The following MICB variants were observed in gnomAD, a reference collection of about 807,000 sequenced individuals.
The protein encoded by MICB is MHC class I polypeptide-related sequence B.
A neutral mutation model predicts 34.3 loss-of-function variants in MICB; 27 were observed. That is an observed-to-expected ratio of 0.79 (90% confidence interval 0.58 to 1.08). The LOEUF (loss-of-function observed/expected upper bound fraction) is 1.08, where lower values mean the gene tolerates loss of function less well. MICB is among the 50% of genes least tolerant of loss of function. The pLI is 0.00. For synonymous variants in MICB, 153 were observed against 187.4 expected, an observed-to-expected ratio of 0.82 and a Z score of 1.50; for missense variants, 426 against 483.1, an observed-to-expected ratio of 0.88 and a Z score of 1.11.
intron 1 of MICB, among the ~76,000 whole-genome samples, chr6:31,500,788 C>T (rs1463543908): frequency 3.9e-5 from 6 of 152,232 alleles, no homozygotes; most frequent in African/African-American, 1.2e-4. Flanking sequence ...TAGTACTCCA[C>T]ATACACGTGT....
chr6:31,508,146 T>C (rs1443234262), intron 5 of MICB, among the ~76,000 whole-genome samples: 4 of 152,182 alleles, frequency 2.6e-5, no homozygotes, highest in Non-Finnish European at 5.9e-5. Flanking sequence ...ATGTGGTCCC[T>C]GTTTTCATCC....
Position 31,505,652 on chromosome 6 carries a change from TC to T in MICB, c.109del (p.Gln37ArgfsTer53), listed in dbSNP as rs752228903. On this transcript the variant is annotated frameshift_variant, in exon 2 of 6. Transcript: ENST00000252229. LOFTEE classifies it high-confidence loss of function. ...HSLRYNLMVLSQDGSVQSGFL... is the reference protein window; with the variant it reads ...HSLRYNLMVLXQDGSVQSGFL... ...TCTTCGTTACAACCTCATGGTGCTG[TC>T]CCAGGATGGATCTGTGCAGTCAGGG... The T allele has an allele frequency of 4.4e-5, 71 of 1,612,728 alleles. No individual in the cohort carries two copies.
chr6:31,506,483 C>T (rs1765337470), intron 3 of MICB, 53 bp downstream of exon 3: 1 of 1,570,774 alleles, frequency 6.4e-7, no homozygotes, highest in Non-Finnish European at 8.7e-7. Context: ...CTAGAGTTGC[C>T]TCGCCTCCCA....
upstream of MICB, among the ~76,000 whole-genome samples, chr6:31,497,868 A>G (rs904881709): frequency 3.3e-5 from 5 of 152,156 alleles, no homozygotes; most frequent in Non-Finnish European, 7.4e-5. Context: ...GACAGGGTCC[A>G]GGTCGTGCTC....
intron 5 of MICB, among the ~76,000 whole-genome samples, chr6:31,508,643 T>C (rs547632826): frequency 6.6e-6 from 1 of 152,276 alleles, no homozygotes; most frequent in East Asian, 1.9e-4. Flanking sequence ...CGTGGAGGGA[T>C]TGTCACTTCT....
At chr6:31,505,032 C>A (rs1288288219) in intron 1 of MICB, among the ~76,000 whole-genome samples, 1 of 152,146 alleles carries the variant, frequency 6.6e-6, no homozygotes, top group African/African-American at 2.4e-5. Context: ...CCACTTTGGA[C>A]CCAAGCCCAC....
In MICB at chr6:31,507,376, G is replaced by A; in HGVS notation, c.893-24G>A. 6.2e-7 allele frequency: 1 copy of A among 1,614,066 alleles called. No homozygotes were observed. Among genetic ancestry groups the A allele is most frequent in the Non-Finnish European group, 8.5e-7 (1 of 1,180,004 alleles). ...GGACGGCTGTGGCTCTCTGCCCAGT[G>A]TATAACAAGTCCCTTTTTTTCAGGG... On this transcript the variant is annotated intron_variant, in intron 4 of 5. Coordinates refer to ENST00000252229, the MANE Select transcript of MICB (RefSeq NM_005931.5). The surrounding 1 kb of genome is among the most constrained non-coding windows in gnomAD (Gnocchi z 6.0).
chr6:31,501,002 C>T (rs1265194464), intron 1 of MICB, among the ~76,000 whole-genome samples: 1 of 152,160 alleles, frequency 6.6e-6, no homozygotes, highest in Non-Finnish European at 1.5e-5. Context: ...TTTGGAAGAA[C>T]CTCCACATTA....
chr6:31,498,484 C>G (rs1461007794), intron 1 of MICB, among the ~76,000 whole-genome samples: 3 of 65,576 alleles, frequency 4.6e-5, no homozygotes, highest in African/African-American at 5.8e-5. Context: ...TTTTTTTTTT[C>G]TTTCTGAGAC....
chr6:31,494,934 A>T (rs2150270466), upstream of MICB: 1 of 155,264 alleles, frequency 6.4e-6, no homozygotes, highest in East Asian at 1.9e-4. Flanking sequence ...CGGACCCTGC[A>T]GTGGCGCCTA....
chr6:31,499,054 G>A (rs1158350909), intron 1 of MICB, among the ~76,000 whole-genome samples: 2 of 151,080 alleles, frequency 1.3e-5, no homozygotes, highest in African/African-American at 4.9e-5. Flanking sequence ...CGCAGCTCCT[G>A]GAGTTGGGGC....
chr6:31,498,013 C>CT (rs1460992025), upstream of MICB: 1 of 371,280 alleles, frequency 2.7e-6, no homozygotes. Flanking sequence ...CTAGAATTTT[C>CT]TCTTCTGAAC....
chr6:31,506,089 G>C, intron 2 of MICB, 54 bp from the exon 3 acceptor site: 2 of 1,555,994 alleles, frequency 1.3e-6, no homozygotes, highest in East Asian at 4.7e-5. Context: ...TTCCTCACTT[G>C]GGTGGAAAGG....
rs9281513 is a variant in MICB, at chr6:31,504,254, C to CTTTTTTTTTTTTTTT, written c.71-1354_71-1340dup. On this transcript the variant is annotated intron_variant, in intron 1 of 5. Transcript: ENST00000252229. ...TCTGGAAACTAATCTCTCTCTTTTT[C>CTTTTTTTTTTTTTTT]TTTTTTTTTTTTTTTTTTTTTTTGA... Among the ~76,000 whole-genome samples, 14 of 60,272 alleles carry CTTTTTTTTTTTTTTT rather than the reference C, an allele frequency of 2.3e-4. 1 individual carries two copies. Among genetic ancestry groups the CTTTTTTTTTTTTTTT allele is most frequent in the African/African-American group, 4.0e-4 (6 of 14,838 alleles). The allele number at this position is 60,272 out of a possible 152,430, so 39.5% of individuals were successfully genotyped here.
chr6:31,498,387 G>A (rs1324076851), intron 1 of MICB, 124 bp downstream of exon 1: 18 of 620,266 alleles, frequency 2.9e-5, no homozygotes, highest in Non-Finnish European at 4.0e-5. Context: ...CTGGAGTGCA[G>A]GGAGCTGGAC....
rs749151497 is a variant in MICB at position 31,507,437 on chromosome 6, T to A, written c.930T>A (p.Phe310Leu). ...ALVLQSQRTD[F>L]PYVSAAMPCF... Reference sequence around the variant, plus strand: ...TGCTTCAGAGTCAACGGACAGACTTTCCATATGTTTCTGCTGCTATGCCAT... The same window carrying A: ...TGCTTCAGAGTCAACGGACAGACTTACCATATGTTTCTGCTGCTATGCCAT... Residue 310 changes from phenylalanine (F) to leucine (L), a missense_variant, in exon 5 of 6, where the codon TTT becomes TTA. Physicochemically the swap from Phe to Leu is conservative, Grantham distance 22 (BLOSUM62 0). Transcript: ENST00000252229. The surrounding 1 kb of genome is among the most constrained non-coding windows in gnomAD (Gnocchi z 6.0). 38 of 1,614,032 alleles carry A rather than the reference T, an allele frequency of 2.4e-5. No homozygotes were observed. Among genetic ancestry groups the A allele is most frequent in the Non-Finnish European group, 3.1e-5 (36 of 1,180,038 alleles).
At chr6:31,496,427 C>G (rs1562351059), upstream of MICB, among the ~76,000 whole-genome samples, 1 of 137,882 alleles carries the variant, frequency 7.3e-6, no homozygotes, top group South Asian at 2.2e-4. Context: ...AGTGCAGTGG[C>G]GCAATCTCAG....
At position 31,506,138 on chromosome 6, in the gene MICB, G is replaced by C. The variant is rs529641218; in HGVS notation, c.326-5G>C. On this transcript the variant is annotated splice_region_variant and splice_polypyrimidine_tract_variant and intron_variant, in intron 2 of 5. Transcript: ENST00000252229. ...AATGGAGAAGTCACTGCTGGGTGGG[G>C]GCAGGCTTGCATTCCCTCCAGGAGA... The C allele has an allele frequency of 3.4e-4, 540 of 1,610,604 alleles. 1 individual carries two copies. The highest frequency in any genetic ancestry group is 4.3e-4 in the Non-Finnish European group (508 of 1,178,016).
chr6:31,508,344 G>A (rs770509671), intron 5 of MICB, among the ~76,000 whole-genome samples: 2 of 152,208 alleles, frequency 1.3e-5, no homozygotes, highest in Non-Finnish European at 2.9e-5. Context: ...CCACAGTCAG[G>A]TTGTTTGATG....
Sources: allele counts gnomAD v4.1 joint callset (sites outside exome capture counted in the v4.1 genomes callset), GRCh38; gene constraint gnomAD v4.1.1; non-coding constraint Gnocchi (gnomAD v3.1); transcripts MANE v1.5; gene names NCBI Gene and HGNC (gene_info 2026-07-23, HGNC 2026-07-21).